Variants in COL4A1 observed in about 807,000 individuals in gnomAD.
The protein encoded by COL4A1 is collagen alpha-1(IV) chain.
In COL4A1, 40 loss-of-function variants were observed where a neutral mutation model predicts 216.6. That is an observed-to-expected ratio of 0.18 (90% CI 0.14 to 0.24). The LOEUF (loss-of-function observed/expected upper bound fraction) is 0.24. COL4A1 is among the 10% of genes least tolerant of loss of function. The pLI is 1.00. For synonymous variants in COL4A1, 839 were observed against 810.7 expected (o/e 1.03, Z -0.59); for missense variants, 1,628 against 2,196.8 (o/e 0.74, Z 5.18).
chr13:110,204,240 A>T (rs904559395), intron 17 of COL4A1, among the ~76,000 whole-genome samples: 1 of 152,198 alleles, frequency 6.6e-6, no homozygotes, highest in Non-Finnish European at 1.5e-5. Flanking sequence ...AGATATGTAC[A>T]TTTTACCATG....
At chr13:110,305,204 C>G (rs902529337) in intron 1 of COL4A1, among the ~76,000 whole-genome samples, 2 of 152,222 alleles carry the variant, frequency 1.3e-5, no homozygotes, top group Non-Finnish European at 2.9e-5. Context: ...TGCCCACAGG[C>G]TGCATCTCTT....
intron 2 of COL4A1, among the ~76,000 whole-genome samples, chr13:110,227,019 T>C (rs908421812): frequency 1.3e-5 from 2 of 152,234 alleles, no homozygotes; most frequent in Non-Finnish European, 2.9e-5. Flanking sequence ...TTTCAAAAGA[T>C]AATATGGAGA....
At chr13:110,242,605 G>T in intron 2 of COL4A1, 70 bp downstream of exon 2, 1 of 1,507,008 alleles carries the variant, frequency 6.6e-7, no homozygotes, top group Non-Finnish European at 9.2e-7. Context: ...TGATTATTCG[G>T]TTACTGTTAA....
intron 23 of COL4A1, among the ~76,000 whole-genome samples, chr13:110,192,515 C>T (rs1026347835): frequency 1.3e-5 from 2 of 152,160 alleles, no homozygotes; most frequent in Admixed American, 6.5e-5. Context: ...CCACACCTGC[C>T]CCCCTGCCCA....
chr13:110,289,303 C>T (rs759761575), intron 1 of COL4A1, among the ~76,000 whole-genome samples: 1 of 152,132 alleles, frequency 6.6e-6, no homozygotes, highest in Non-Finnish European at 1.5e-5. Context: ...GCCGGGGTGC[C>T]ATCCACTGCC....
intron 1 of COL4A1, among the ~76,000 whole-genome samples, chr13:110,267,296 C>CA (rs1246616686): frequency 2.0e-5 from 3 of 152,166 alleles, no homozygotes; most frequent in African/African-American, 7.2e-5. Context: ...CGGAGCTACG[C>CA]ACACTTTCAG....
At chr13:110,161,981 G>T (rs1877106241) in intron 48 of COL4A1, 5 of 558,748 alleles carry the variant, frequency 8.9e-6, no homozygotes. Flanking sequence ...TTAATTTAAA[G>T]ATTTTCGAAG....
At chr13:110,252,210 G>C (rs1882102577) in intron 1 of COL4A1, among the ~76,000 whole-genome samples, 1 of 151,716 alleles carries the variant, frequency 6.6e-6, no homozygotes, top group Non-Finnish European at 1.5e-5. Flanking sequence ...TTTTAGTAGA[G>C]ACGTGGTTTC....
intron 2 of COL4A1, among the ~76,000 whole-genome samples, chr13:110,219,746 A>G (rs949568686): frequency 4.4e-4 from 62 of 141,550 alleles, no homozygotes; most frequent in African/African-American, 1.5e-3. Flanking sequence ...ATGTATATAC[A>G]TATGTGTATA....
In COL4A1 at chr13:110,174,645, A is replaced by T; in HGVS notation, c.3303T>A (p.Ser1101=). 6.2e-7 allele frequency: 1 copy of T among 1,614,150 alleles called. No individual in the cohort carries two copies. The highest frequency in any genetic ancestry group is 8.5e-7 in the Non-Finnish European group (1 of 1,180,024). The stretch of plus-strand genomic sequence containing the variant: ...TACCTGGATAGCCAACACTCCCGGG[A>T]GACCCTTTAAGGCCTGGGGACCCTG... ...GMPGSPGLKG[S]PGSVGYPGSP... The change falls in exon 38 of 52, where the codon TCT becomes TCA. Residue 1101 remains serine, a synonymous_variant. Transcript: ENST00000375820.
intron 21 of COL4A1, among the ~76,000 whole-genome samples, chr13:110,195,597 C>A (rs111733487): frequency 6.6e-6 from 1 of 152,114 alleles, no homozygotes; most frequent in Non-Finnish European, 1.5e-5. Context: ...AGACTGCCCA[C>A]GAGGAAATGC....
chr13:110,210,144 T>G lies in COL4A1; in HGVS notation c.537A>C (p.Gly179=). 6.2e-7 allele frequency: 1 copy of G among 1,614,094 alleles called. No homozygotes were observed. The highest frequency in any genetic ancestry group is 8.5e-7 in the Non-Finnish European group (1 of 1,180,028). ...MLLKGERGFP[G]IPGTPGPPGL... is the part of the protein sequence containing the mutation. The stretch of plus-strand genomic sequence containing the variant: ...AAATGCTTACTGGAGTCCCTGGGAT[T>G]CCGGGAAATCCTCTTTCACCTTTCA... The change falls in exon 9 of 52, where the codon GGA becomes GGC. Residue 179 remains glycine, a synonymous_variant. Transcript: ENST00000375820.
intron 24 of COL4A1, among the ~76,000 whole-genome samples, chr13:110,189,523 C>A (rs1878542355): frequency 6.6e-6 from 1 of 152,168 alleles, no homozygotes; most frequent in Non-Finnish European, 1.5e-5. Context: ...ACCTGGGACA[C>A]TTCACTTGGA....
intron 2 of COL4A1, among the ~76,000 whole-genome samples, chr13:110,227,985 C>T (rs1300696095): frequency 2.0e-5 from 3 of 152,168 alleles, no homozygotes; most frequent in Non-Finnish European, 2.9e-5. Flanking sequence ...AGCTACACCT[C>T]GCTGCACACA....
In COL4A1 at chr13:110,286,457, T is replaced by C. The variant is rs150016319; in HGVS notation, c.84+20487A>G. Among the ~76,000 whole-genome samples the C allele has an allele frequency of 1.7e-4, 26 of 152,250 alleles. 1 individual carries two copies. The highest frequency in any genetic ancestry group is 5.3e-4 in the African/African-American group (22 of 41,548). On this transcript the variant is annotated intron_variant, in intron 1 of 51. Transcript: ENST00000375820. ...TCAGGGTCCAGAGCCTTGTGTGGCATTCAGATTGTGTGGGGGAGAGAGGCA... is the reference window on the plus strand; with the variant it reads ...TCAGGGTCCAGAGCCTTGTGTGGCACTCAGATTGTGTGGGGGAGAGAGGCA...
In COL4A1 at chr13:110,241,043, T is replaced by A. The variant is rs916811381; in HGVS notation, c.144+1632A>T. 2.6e-5 allele frequency among the ~76,000 whole-genome samples: 4 copies of A among 152,150 alleles called. No homozygotes were observed. The East Asian group carries it at 7.7e-4, about 29-fold the overall frequency. On this transcript the variant is annotated intron_variant, in intron 2 of 51. Coordinates refer to ENST00000375820, the MANE Select transcript of COL4A1 (RefSeq NM_001845.6). Reference sequence around the variant, plus strand: ...TGCCACCACGCTGGGCTAATTTTTGTACTTTTAGTAGAGACTGAGTTTCAC... The same window carrying A: ...TGCCACCACGCTGGGCTAATTTTTGAACTTTTAGTAGAGACTGAGTTTCAC...
intron 1 of COL4A1, among the ~76,000 whole-genome samples, chr13:110,258,099 T>C (rs973820985): frequency 1.3e-5 from 2 of 152,188 alleles, no homozygotes; most frequent in Admixed American, 6.5e-5. Context: ...TTTGTAGAAA[T>C]AGAAATATGG....
chr13:110,245,187 C>T (rs936063356), intron 1 of COL4A1, among the ~76,000 whole-genome samples: 1 of 152,196 alleles, frequency 6.6e-6, no homozygotes, highest in African/African-American at 2.4e-5. Context: ...GGGGAGTGCG[C>T]TGGCATCTGG....
intron 1 of COL4A1, among the ~76,000 whole-genome samples, chr13:110,246,629 T>A (rs1881824662): frequency 6.6e-6 from 1 of 152,208 alleles, no homozygotes; most frequent in Non-Finnish European, 1.5e-5. Context: ...TGCAGACTGG[T>A]GGACTCCACC....
Sources: allele counts gnomAD v4.1 joint callset (sites outside exome capture counted in the v4.1 genomes callset), GRCh38; gene constraint gnomAD v4.1.1; transcripts MANE v1.5; gene names NCBI Gene and HGNC (gene_info 2026-07-23, HGNC 2026-07-21).